EPM2A: variants seen among roughly 807,000 people sequenced by gnomAD.
EPM2A encodes laforin.
EPM2A carries 21 observed loss-of-function variants against 26.5 expected under a neutral mutation model. That is an observed-to-expected ratio of 0.79 (90% CI 0.56 to 1.14). The LOEUF is 1.14. Among genes scored for constraint, EPM2A ranks in the 50% most tolerant of loss-of-function variants. The probability of loss-of-function intolerance (pLI) is 0.00; values close to 1 mark genes in which losing one functional copy is unlikely to be tolerated. For missense variants in EPM2A, 458 were observed against 440.8 expected (o/e 1.04, Z -0.35); for synonymous variants, 217 against 177.6 (o/e 1.22, Z -1.76).
At chr6:145,440,046 G>T (rs542315634) in intron 4 of EPM2A, among the ~76,000 whole-genome samples, 1 of 152,250 alleles carries the variant, frequency 6.6e-6, no homozygotes, top group East Asian at 1.9e-4. Context: ...TAGCAAGTTA[G>T]CCCAGAACCA....
chr6:145,464,760 G>T (rs932659993), intron 4 of EPM2A, among the ~76,000 whole-genome samples: 3 of 151,890 alleles, frequency 2.0e-5, no homozygotes, highest in Non-Finnish European at 4.4e-5. Context: ...TATATAGGTA[G>T]ATATGACAAC....
At chr6:145,683,122 G>A (rs1780658760) in intron 2 of EPM2A, among the ~76,000 whole-genome samples, 1 of 151,962 alleles carries the variant, frequency 6.6e-6, no homozygotes, top group African/African-American at 2.4e-5. Flanking sequence ...TTCATGTGAA[G>A]GTGAATTATG....
At chr6:145,467,853 C>A (rs1779419876) in intron 4 of EPM2A, among the ~76,000 whole-genome samples, 1 of 151,916 alleles carries the variant, frequency 6.6e-6, no homozygotes, top group Non-Finnish European at 1.5e-5. Flanking sequence ...ATTTCTGCTG[C>A]TATTCTGATT....
At chr6:145,423,440 A>C (rs1778814613) in intron 4 of EPM2A, among the ~76,000 whole-genome samples, 1 of 152,170 alleles carries the variant, frequency 6.6e-6, no homozygotes, top group African/African-American at 2.4e-5. Context: ...CCATGGAAAA[A>C]CTATGAGATG....
chr6:145,446,854 C>A (rs79825448), intron 4 of EPM2A, among the ~76,000 whole-genome samples: 8,499 of 152,106 alleles, frequency 0.056, 788 homozygotes, highest in African/African-American at 0.19. Flanking sequence ...CCTCTGAAAT[C>A]TTTGTCCTGA....
intron 1 of EPM2A, among the ~76,000 whole-genome samples, chr6:145,697,048 A>C (rs1416622806): frequency 3.3e-5 from 5 of 152,114 alleles, no homozygotes; most frequent in Non-Finnish European, 7.4e-5. Flanking sequence ...TTGGTGCATA[A>C]TAGGTTGGCC....
intron 1 of EPM2A, among the ~76,000 whole-genome samples, chr6:145,696,569 T>C (rs1458279606): frequency 6.6e-6 from 1 of 152,004 alleles, no homozygotes; most frequent in East Asian, 1.9e-4. Context: ...AAAATATCAA[T>C]AATAGAAATA....
chr6:145,467,504 T>C (rs2114722394), intron 4 of EPM2A, among the ~76,000 whole-genome samples: 1 of 152,286 alleles, frequency 6.6e-6, no homozygotes, highest in Non-Finnish European at 1.5e-5. Context: ...GCTATACAGC[T>C]TTACACTATG....
intron 2 of EPM2A, among the ~76,000 whole-genome samples, chr6:145,618,979 A>G (rs1775573403): frequency 6.6e-6 from 1 of 152,202 alleles, no homozygotes; most frequent in African/African-American, 2.4e-5. Flanking sequence ...CAGCGTGGAC[A>G]GAGGGGAGTA....
intron 4 of EPM2A, among the ~76,000 whole-genome samples, chr6:145,495,276 T>C (rs773495046): frequency 6.6e-6 from 1 of 152,052 alleles, no homozygotes; most frequent in Non-Finnish European, 1.5e-5. Flanking sequence ...ATTTAGAGTC[T>C]GTTTTGTCAA....
intron 4 of EPM2A, among the ~76,000 whole-genome samples, chr6:145,494,396 A>G (rs1344118705): frequency 6.6e-6 from 1 of 151,960 alleles, no homozygotes; most frequent in Non-Finnish European, 1.5e-5. Flanking sequence ...TTGTCTAGGT[A>G]GTAGTCTACC....
At chr6:145,473,654 A>G (rs1779504759) in intron 4 of EPM2A, among the ~76,000 whole-genome samples, 1 of 152,144 alleles carries the variant, frequency 6.6e-6, no homozygotes, top group Non-Finnish European at 1.5e-5. Context: ...AAAGAATTCT[A>G]AAAGCAAAAA....
intron 2 of EPM2A, chr6:145,636,958 C>T (rs866974043): frequency 4.0e-5 from 6 of 150,388 alleles, no homozygotes; most frequent in Middle Eastern, 3.4e-3. Flanking sequence ...AAAAAGATTT[C>T]GTATAACATT....
At chr6:145,712,558 C>T (rs1775395141) in intron 1 of EPM2A, among the ~76,000 whole-genome samples, 1 of 152,082 alleles carries the variant, frequency 6.6e-6, no homozygotes, top group Non-Finnish European at 1.5e-5. Flanking sequence ...AATCAAACCA[C>T]AAGTTGATGG....
chr6:145,399,972 A>G (rs894771945), intron 4 of EPM2A, among the ~76,000 whole-genome samples: 4 of 152,162 alleles, frequency 2.6e-5, no homozygotes, highest in African/African-American at 4.8e-5. Context: ...TAACTATTAC[A>G]AATTTGTAAC....
chr6:145,719,541 G>A (rs1014863205), intron 1 of EPM2A, among the ~76,000 whole-genome samples: 3 of 151,926 alleles, frequency 2.0e-5, no homozygotes, highest in African/African-American at 7.3e-5. Context: ...GTTAGTGGGT[G>A]CAGCACACCA....
chr6:145,442,317 G>A (rs1266427776), intron 4 of EPM2A, among the ~76,000 whole-genome samples: 1 of 152,186 alleles, frequency 6.6e-6, no homozygotes, highest in Non-Finnish European at 1.5e-5. Context: ...CCAATTTATT[G>A]TATTAGTCCA....
intron 2 of EPM2A, among the ~76,000 whole-genome samples, chr6:145,534,174 G>A (rs1357721873): frequency 2.0e-5 from 3 of 152,166 alleles, no homozygotes; most frequent in Non-Finnish European, 4.4e-5. Context: ...TTGTGCTCTT[G>A]CAAGAGTAGT....
rs149978232 is a variant in EPM2A at position 145,668,164 on chromosome 6, TA to T, written c.476+17957del. ...ATGTACCCTAAAACTTAAAGTATAA[TA>T]AAAAAAAAAGGTTAATAATAATTGC... On this transcript the variant is annotated intron_variant, in intron 2 of 3. Coordinates refer to ENST00000367519, the MANE Select transcript of EPM2A (RefSeq NM_005670.4). Among the ~76,000 whole-genome samples the T allele has an allele frequency of 3.5e-3, 508 of 146,110 alleles. 3 individuals are homozygous for T. Among genetic ancestry groups the T allele is most frequent in the African/African-American group, 0.012 (463 of 39,126 alleles).
Sources: allele counts gnomAD v4.1 joint callset (sites outside exome capture counted in the v4.1 genomes callset), GRCh38; gene constraint gnomAD v4.1.1; transcripts MANE v1.5; gene names NCBI Gene and HGNC (gene_info 2026-07-23, HGNC 2026-07-21).